Variants in COL17A1 observed in about 807,000 individuals in gnomAD.
COL17A1 encodes the protein collagen type XVII alpha 1 chain, also known as collagen alpha-1(XVII) chain.
Under a neutral mutation model 218.4 loss-of-function variants are expected in COL17A1, and 181 were observed. The observed-to-expected ratio is 0.83, with a 90% confidence interval of 0.73 to 0.94. The LOEUF is 0.94. Among genes scored for constraint, COL17A1 ranks in the 40% least tolerant of loss-of-function variants. The pLI, the probability that COL17A1 is intolerant of heterozygous loss-of-function variation, is 0.00. For missense variants in COL17A1, 1,924 were observed against 1,945.9 expected, an observed-to-expected ratio of 0.99 and a Z score of 0.21; for synonymous variants, 721 against 731.0, an observed-to-expected ratio of 0.99 and a Z score of 0.22.
chr10:104,070,362 C>T (rs2086659145), intron 9 of COL17A1, 64 bp downstream of exon 9: 1 of 1,607,786 alleles, frequency 6.2e-7, no homozygotes. Flanking sequence ...TGAGTCCACT[C>T]TTTGGGTTTG....
At position 104,040,386 on chromosome 10, in the gene COL17A1, C is replaced by T; in HGVS notation, c.2726G>A (p.Gly909Asp). 6.2e-7 allele frequency: 1 copy of T among 1,611,762 alleles called. No homozygotes were observed. The highest frequency in any genetic ancestry group is 8.5e-7 in the Non-Finnish European group (1 of 1,177,908). ...CTTGGGACCTGGGGGGCCAGGTGGG[C>T]CTGGGGGGCCGGAGAGGAAGGTTTC... ...NSETFLSGPP[G>D]PPGPPGPKGD... The change falls in exon 40 of 56, where the codon GGC becomes GAC. Residue 909 changes from glycine to aspartate, a missense_variant. Physicochemically the swap from Gly to Asp is moderately conservative, Grantham distance 94. Coordinates refer to ENST00000648076, the MANE Select transcript of COL17A1 (RefSeq NM_000494.4).
At chr10:104,044,904 T>C (rs1289539537) in intron 33 of COL17A1, among the ~76,000 whole-genome samples, 1 of 152,120 alleles carries the variant, frequency 6.6e-6, no homozygotes, top group Non-Finnish European at 1.5e-5. Flanking sequence ...TCAGTTATCA[T>C]TATTTTGGAA....
At chr10:104,061,143 C>T (rs896177108) in intron 13 of COL17A1, among the ~76,000 whole-genome samples, 2 of 152,192 alleles carry the variant, frequency 1.3e-5, no homozygotes, top group African/African-American at 4.8e-5. Context: ...GTGCAAGTGC[C>T]TGGCCCTAGG....
At chr10:104,043,730 T>TG (rs2086383728) in intron 34 of COL17A1, 95 bp downstream of exon 34, 12 of 1,559,180 alleles carry the variant, frequency 7.7e-6, no homozygotes, top group Admixed American at 6.7e-5. Context: ...TCCAAAAAAC[T>TG]CCCAGCCACA....
At position 104,082,401 on chromosome 10, in the gene COL17A1, T is replaced by C. The variant is rs74928920; in HGVS notation, c.-11-1717A>G. 9.2e-4 allele frequency among the ~76,000 whole-genome samples: 140 copies of C among 152,328 alleles called. 1 individual carries two copies. In the East Asian group the frequency reaches 0.022, roughly 24 times the overall value. Reference sequence around the variant, plus strand: ...TGTTTAAGCATCAGTTTGATACCTCTGAAAGCCTTCTCTGACTTTCTTTTA... The same window carrying C: ...TGTTTAAGCATCAGTTTGATACCTCCGAAAGCCTTCTCTGACTTTCTTTTA... On this transcript the variant is annotated intron_variant, in intron 1 of 55. Transcript: ENST00000648076.
At position 104,064,317 on chromosome 10, in the gene COL17A1, G is replaced by A. The variant is rs145251320; in HGVS notation, c.766+121C>T. 89 of 1,504,818 alleles carry A rather than the reference G, an allele frequency of 5.9e-5. No individual in the cohort carries two copies. The African/African-American group carries it at 1.2e-3, about 20-fold the overall frequency. The allele number at this position is 1,504,818 out of a possible 1,614,324, so 93.2% of individuals were successfully genotyped here. A position where few individuals can be genotyped will look rare whatever the true frequency, so the allele number is the denominator to read the frequency against. ...CAGGGGGAATCTCCTGGGATGTTTG[G>A]CCACAGAAAGCCTCTCCAGGAGGCC... On this transcript the variant is annotated intron_variant, in intron 10 of 55. Transcript: ENST00000648076.
chr10:104,076,262 A>G, intron 5 of COL17A1, 39 bp downstream of exon 5: 1 of 1,613,018 alleles, frequency 6.2e-7, no homozygotes, highest in Non-Finnish European at 8.5e-7. Context: ...TTGCTTGGGG[A>G]AGAGAATGGT....
At chr10:104,035,707 G>T in intron 48 of COL17A1, 144 bp from the exon 49 acceptor site, 1 of 682,404 alleles carries the variant, frequency 1.5e-6, no homozygotes. Context: ...GCAGAGAGGA[G>T]GAGCCCAAAG....
In COL17A1 at chr10:104,054,701, A is replaced by C. The variant is rs805690; in HGVS notation, c.1744+280T>G. On this transcript the variant is annotated intron_variant, in intron 20 of 55. Coordinates refer to ENST00000648076, the MANE Select transcript of COL17A1 (RefSeq NM_000494.4). ...AAGATAAAGACTCCTGCCCACATGC[A>C]TACCCCCTGAGTCAAAGGCTCGGGA... 0.59 allele frequency among the ~76,000 whole-genome samples: 89,124 copies of C among 151,916 alleles called. 28,374 individuals are homozygous for C. Among genetic ancestry groups the C allele is most frequent in the Non-Finnish European group, 0.7 (47,610 of 67,944 alleles).
intron 30 of COL17A1, 60 bp from the exon 31 acceptor site, chr10:104,047,870 A>C (rs991566633): frequency 8.8e-6 from 13 of 1,480,034 alleles, no homozygotes; most frequent in Admixed American, 3.3e-5. Context: ...ACTGGTTATC[A>C]CATCTGAACT....
intron 52 of COL17A1, 124 bp downstream of exon 52, chr10:104,033,821 C>T (rs2086241285): frequency 5.5e-6 from 8 of 1,456,904 alleles, no homozygotes; most frequent in East Asian, 4.5e-5. Flanking sequence ...CTGCCTGTCC[C>T]CTCCAGCCCC....
At chr10:104,078,679 A>G in intron 2 of COL17A1, 93 bp from the exon 3 acceptor site, 1 of 1,540,630 alleles carries the variant, frequency 6.5e-7, no homozygotes, top group Admixed American at 1.8e-5. Flanking sequence ...GGCTAAGCAT[A>G]TTAAATTAGG....
intron 15 of COL17A1, among the ~76,000 whole-genome samples, chr10:104,058,393 T>C (rs898204370): frequency 1.3e-5 from 2 of 152,240 alleles, no homozygotes; most frequent in African/African-American, 4.8e-5. Context: ...AAACAATTAA[T>C]GGTGGAAGAA....
intron 4 of COL17A1, among the ~76,000 whole-genome samples, chr10:104,076,687 C>T (rs1374626465): frequency 6.6e-6 from 1 of 152,172 alleles, no homozygotes; most frequent in Non-Finnish European, 1.5e-5. Context: ...GTAGACACTG[C>T]TTGGATGGAC....
intron 3 of COL17A1, 78 bp from the exon 4 acceptor site, chr10:104,077,604 G>T (rs1369236670): frequency 4.1e-6 from 5 of 1,209,458 alleles, no homozygotes; most frequent in Non-Finnish European, 6.0e-6. Flanking sequence ...CCCTGTGGAA[G>T]GCTTCCCTGG....
chr10:104,038,276 ACACACT>A, intron 45 of COL17A1, 124 bp downstream of exon 45: 2 of 986,460 alleles, frequency 2.0e-6, no homozygotes, highest in Non-Finnish European at 3.1e-6. Context: ...ACACACACAC[ACACACT>A]CCCACTGCCC....
At chr10:104,055,338 T>A in intron 19 of COL17A1, 34 bp downstream of exon 19, 1 of 1,613,788 alleles carries the variant, frequency 6.2e-7, no homozygotes, top group Non-Finnish European at 8.5e-7. Flanking sequence ...CTGCAGGAAA[T>A]GAATCAGAGA....
At chr10:104,067,219 G>A (rs1287517079) in intron 9 of COL17A1, among the ~76,000 whole-genome samples, 2 of 149,444 alleles carry the variant, frequency 1.3e-5, no homozygotes, top group African/African-American at 2.5e-5. Flanking sequence ...CTAAGGGAAC[G>A]AATAATTAAA....
intron 47 of COL17A1, 54 bp from the exon 48 acceptor site, chr10:104,036,686 C>G (rs1246103327): frequency 3.1e-6 from 5 of 1,603,344 alleles, no homozygotes; most frequent in Non-Finnish European, 4.3e-6. Context: ...GGGGTCGCAG[C>G]CATGATCCAG....
Sources: allele counts gnomAD v4.1 joint callset (sites outside exome capture counted in the v4.1 genomes callset), GRCh38; gene constraint gnomAD v4.1.1; transcripts MANE v1.5; gene names NCBI Gene and HGNC (gene_info 2026-07-23, HGNC 2026-07-21).